ZNF718: variants seen among roughly 807,000 people sequenced by gnomAD.
The protein encoded by ZNF718 is zinc finger protein 718.
Under a neutral mutation model 2.6 loss-of-function variants are expected in ZNF718, and 3 were observed. That is an observed-to-expected ratio of 1.16 (90% CI 0.53 to 3.01). The LOEUF (loss-of-function observed/expected upper bound fraction) is 3.01, where lower values mean the gene tolerates loss of function less well. Ranked by LOEUF, ZNF718 falls within the 30% of genes most tolerant of loss-of-function variation. The pLI, the probability that ZNF718 is intolerant of heterozygous loss-of-function variation, is 0.03. For missense variants in ZNF718, 468 were observed against 230.0 expected, an observed-to-expected ratio of 2.03 and a Z score of -6.69; for synonymous variants, 135 against 77.9, an observed-to-expected ratio of 1.73 and a Z score of -3.86.
chr4:170,140 G>A lies in ZNF718; in HGVS notation c.227-30941G>A, dbSNP rs532773603. ...TTGGCTGGATATGAAATTCTAAATTGAAAATTCTTTTCTTTAAGAATGTTG... is the reference window on the plus strand; with the variant it reads ...TTGGCTGGATATGAAATTCTAAATTAAAAATTCTTTTCTTTAAGAATGTTG... On this transcript the variant is annotated intron_variant and NMD_transcript_variant, in intron 3 of 4. Transcript: ENST00000642529. Among the ~76,000 whole-genome samples, 5 of 152,298 alleles carry A rather than the reference G, an allele frequency of 3.3e-5. No homozygotes were observed. The South Asian group carries it at 1.0e-3, about 32-fold the overall frequency.
At chr4:126,894 T>C (rs1715247166) in intron 1 of ZNF718, among the ~76,000 whole-genome samples, 1 of 151,848 alleles carries the variant, frequency 6.6e-6, no homozygotes, top group Non-Finnish European at 1.5e-5. Context: ...TAGTGCGATC[T>C]CGGCTCACCG....
chr4:187,743 G>A (rs1553820623), intron 3 of ZNF718, among the ~76,000 whole-genome samples: 1 of 152,130 alleles, frequency 6.6e-6, no homozygotes, highest in African/African-American at 2.4e-5. Flanking sequence ...ATTAAAGGAG[G>A]AGTCTGGCTG....
At position 177,139 on chromosome 4, in the gene ZNF718, C is replaced by G. The variant is rs1342147666; in HGVS notation, c.227-23942C>G. Among the ~76,000 whole-genome samples the G allele has an allele frequency of 3.9e-5, 6 of 152,188 alleles. No homozygotes were observed. The East Asian group carries it at 9.6e-4, about 24-fold the overall frequency. On this transcript the variant is annotated intron_variant and NMD_transcript_variant, in intron 3 of 4. Transcript: ENST00000642529. ...TTATCTAATTTCCTTCCACAATGAG[C>G]TTGTCATCACAAGTGCCACCACAGG...
intron 3 of ZNF718, among the ~76,000 whole-genome samples, chr4:178,975 T>C (rs1158135842): frequency 6.6e-6 from 1 of 152,214 alleles, no homozygotes; most frequent in Non-Finnish European, 1.5e-5. Context: ...AAAATTAATG[T>C]TATTATGCTC....
downstream of ZNF718, among the ~76,000 whole-genome samples, chr4:167,111 CT>C (rs1717107217): frequency 6.6e-6 from 1 of 152,228 alleles, no homozygotes; most frequent in Admixed American, 6.5e-5. Context: ...ATAGGAAATC[CT>C]TTCCCCATTT....
chr4:134,303 C>T (rs987444092), intron 3 of ZNF718, among the ~76,000 whole-genome samples: 126 of 152,108 alleles, frequency 8.3e-4, no homozygotes, highest in African/African-American at 2.9e-3. Context: ...CCCGCCACCA[C>T]GCCCGGCTAA....
At chr4:171,812 C>T (rs1717241085) in intron 3 of ZNF718, among the ~76,000 whole-genome samples, 1 of 152,174 alleles carries the variant, frequency 6.6e-6, no homozygotes, top group South Asian at 2.1e-4. Flanking sequence ...AATGCCTCGC[C>T]CTGCTTCAGC....
intron 3 of ZNF718, among the ~76,000 whole-genome samples, chr4:184,398 G>A (rs1192504790): frequency 4.0e-4 from 61 of 152,090 alleles, no homozygotes; most frequent in Admixed American, 3.9e-3. Flanking sequence ...TGGGCTGCTG[G>A]GTTGAGTTTG....
At chr4:196,823 C>T (rs1553822108) in intron 3 of ZNF718, among the ~76,000 whole-genome samples, 1 of 151,974 alleles carries the variant, frequency 6.6e-6, no homozygotes, top group Non-Finnish European at 1.5e-5. Context: ...AGTCTGGCAG[C>T]CACGCTAATC....
intron 3 of ZNF718, among the ~76,000 whole-genome samples, chr4:171,520 T>G (rs766130288): frequency 1.3e-5 from 2 of 152,122 alleles, no homozygotes; most frequent in Admixed American, 6.5e-5. Context: ...CCGCTTTGTT[T>G]ACCCCCTCAA....
At chr4:178,311 G>A (rs879953729) in intron 3 of ZNF718, among the ~76,000 whole-genome samples, 1 of 152,024 alleles carries the variant, frequency 6.6e-6, no homozygotes, top group South Asian at 2.1e-4. Flanking sequence ...GCTAATTTTT[G>A]TATTTTTTGT....
intron 3 of ZNF718, among the ~76,000 whole-genome samples, chr4:147,632 G>C (rs1354235698): frequency 6.6e-6 from 1 of 152,198 alleles, no homozygotes; most frequent in Non-Finnish European, 1.5e-5. Context: ...GGGAGGCCAA[G>C]GCAGGTGAAT....
chr4:175,852 C>CTTT (rs1158577358), intron 3 of ZNF718, among the ~76,000 whole-genome samples: 1,042 of 98,878 alleles, frequency 0.011, 21 homozygotes, highest in Non-Finnish European at 0.014. Context: ...GATTAACAGT[C>CTTT]TTTTTTTTTT....
In ZNF718 at chr4:163,951, G is replaced by A. The variant is rs1717022018; in HGVS notation, c.*1829G>A. On this transcript the variant is annotated 3_prime_UTR_variant, in exon 4 of 4. Coordinates refer to ENST00000510175, the MANE Select transcript of ZNF718 (RefSeq NM_001039127.6). Reference sequence around the variant, plus strand: ...TTACTTTGATACAGACATGCAACATGTAATCACATCAGAGTAAATGAGTTA... The same window carrying A: ...TTACTTTGATACAGACATGCAACATATAATCACATCAGAGTAAATGAGTTA... 6.6e-6 allele frequency: 1 copy of A among 151,996 alleles called. No individual in the cohort carries two copies. The highest frequency in any genetic ancestry group is 1.5e-5 in the Non-Finnish European group (1 of 67,960). 9.4% of individuals were successfully genotyped at this position (151,996 alleles called of 1,614,324 possible).
intron 3 of ZNF718, among the ~76,000 whole-genome samples, chr4:197,926 T>A (rs1370863427): frequency 6.6e-6 from 1 of 151,976 alleles, no homozygotes; most frequent in Non-Finnish European, 1.5e-5. Context: ...CATGGATGGA[T>A]GGATGAATGC....
chr4:164,772 T>C (rs1215480876), downstream of ZNF718, among the ~76,000 whole-genome samples: 1 of 152,198 alleles, frequency 6.6e-6, no homozygotes, highest in Non-Finnish European at 1.5e-5. Flanking sequence ...TTGAGTTTAT[T>C]TATTGGGCCA....
intron 3 of ZNF718, among the ~76,000 whole-genome samples, chr4:199,986 AG>A (rs1717866364): frequency 6.6e-6 from 1 of 152,264 alleles, no homozygotes; most frequent in Non-Finnish European, 1.5e-5. Context: ...AAAATTAGTG[AG>A]AAAACAATGG....
chr4:145,621 CT>C (rs1553811092), intron 3 of ZNF718, among the ~76,000 whole-genome samples: 1 of 151,958 alleles, frequency 6.6e-6, no homozygotes, highest in African/African-American at 2.4e-5. Context: ...AGTCTGTCTA[CT>C]TTTTTTTGTA....
At chr4:158,732 C>G (rs1716687545) in intron 3 of ZNF718, among the ~76,000 whole-genome samples, 2 of 151,774 alleles carry the variant, frequency 1.3e-5, no homozygotes, top group African/African-American at 4.8e-5. Flanking sequence ...TTTTATCTTT[C>G]ACATTTTGGA....
Sources: allele counts gnomAD v4.1 joint callset (sites outside exome capture counted in the v4.1 genomes callset), GRCh38; gene constraint gnomAD v4.1.1; transcripts MANE v1.5; gene names NCBI Gene and HGNC (gene_info 2026-07-23, HGNC 2026-07-21).